CTNNA1: variants seen among roughly 807,000 people sequenced by gnomAD.
CTNNA1 encodes the protein catenin alpha-1.
A neutral mutation model predicts 98.4 loss-of-function variants in CTNNA1; 37 were observed. That is an observed-to-expected ratio of 0.38 (90% confidence interval 0.29 to 0.49). The LOEUF (loss-of-function observed/expected upper bound fraction) is 0.49. Among genes scored for constraint, CTNNA1 ranks in the 20% least tolerant of loss-of-function variants. The probability of loss-of-function intolerance (pLI) is 0.95; values close to 1 mark genes in which losing one functional copy is unlikely to be tolerated. For synonymous variants in CTNNA1, 404 were observed against 413.2 expected, an observed-to-expected ratio of 0.98 and a Z score of 0.27; for missense variants, 761 against 1,147.2, an observed-to-expected ratio of 0.66 and a Z score of 4.86.
intron 3 of CTNNA1, among the ~76,000 whole-genome samples, chr5:138,793,865 A>G (rs1756637093): frequency 6.6e-6 from 1 of 152,166 alleles, no homozygotes; most frequent in South Asian, 2.1e-4. Context: ...CTGTCTGTCA[A>G]CTGGAAAAAG....
chr5:138,887,380 C>T, intron 8 of CTNNA1, 110 bp from the exon 9 acceptor site: 1 of 736,702 alleles, frequency 1.4e-6, no homozygotes, highest in Non-Finnish European at 2.2e-6. Context: ...GTAAGTGCAG[C>T]AAGTCTACCG....
At chr5:138,754,856 C>T (rs1255558319) in intron 1 of CTNNA1, 13 of 152,254 alleles carry the variant, frequency 8.5e-5, no homozygotes, top group Admixed American at 8.5e-4. Context: ...CTCCTGGGCT[C>T]AAGTGATCCC....
rs182557131 is a variant in CTNNA1 at position 138,904,280 on chromosome 5, C to T, written c.1297-69C>T. On this transcript the variant is annotated intron_variant, in intron 9 of 17. Transcript: ENST00000302763. ...TGTTCCAGAATGGTCAGAGGTAGGG[C>T]CAGGTGTGTGTTTTTTCCTTAGCAG... 3,479 of 1,529,874 alleles carry T rather than the reference C, an allele frequency of 2.3e-3. 6 individuals are homozygous for T. Among genetic ancestry groups the T allele is most frequent in the Non-Finnish European group, 2.7e-3 (3,098 of 1,134,956 alleles). 94.8% of individuals were successfully genotyped at this position (1,529,874 alleles called of 1,614,324 possible). A position where few individuals can be genotyped will look rare whatever the true frequency, so the allele number is the denominator to read the frequency against.
chr5:138,812,242 G>C lies in CTNNA1; in HGVS notation c.528G>C (p.Gln176His). 1 of 1,613,852 alleles carries C rather than the reference G, an allele frequency of 6.2e-7. No individual in the cohort carries two copies. The highest frequency in any genetic ancestry group is 8.5e-7 in the Non-Finnish European group (1 of 1,179,804). Residue 176 changes from glutamine (Q) to histidine (H), a missense_variant, in exon 5 of 18, where the codon CAG (glutamine) becomes CAC (histidine). Gln to His is a conservative substitution (Grantham distance 24). Transcript: ENST00000302763. ...NAGNEQDLGI[Q>H]YKALKPEVDK... is the part of the protein sequence containing the mutation. Reference sequence around the variant, plus strand: ...GCAATGAACAAGACTTAGGAATCCAGTATAAAGCCCTAAAACCTGAAGTGG... The same window carrying C: ...GCAATGAACAAGACTTAGGAATCCACTATAAAGCCCTAAAACCTGAAGTGG...
At chr5:138,867,270 T>G (rs1231020421) in intron 7 of CTNNA1, among the ~76,000 whole-genome samples, 1 of 152,204 alleles carries the variant, frequency 6.6e-6, no homozygotes, top group African/African-American at 2.4e-5. Flanking sequence ...TCTCTTAGTC[T>G]CTCTGATCCC....
At chr5:138,841,138 A>T (rs529337264) in intron 7 of CTNNA1, among the ~76,000 whole-genome samples, 111 of 152,244 alleles carry the variant, frequency 7.3e-4, no homozygotes, top group Admixed American at 1.4e-3. Context: ...CTTAGATGGG[A>T]TTATTTTATT....
At chr5:138,881,684 CTCT>C (rs1752937030) in intron 7 of CTNNA1, among the ~76,000 whole-genome samples, 1 of 152,170 alleles carries the variant, frequency 6.6e-6, no homozygotes, top group Non-Finnish European at 1.5e-5. Context: ...AGCCCCAGTT[CTCT>C]TTTTTATTGT....
At chr5:138,830,809 G>A (rs917798024) in intron 7 of CTNNA1, among the ~76,000 whole-genome samples, 2 of 152,120 alleles carry the variant, frequency 1.3e-5, no homozygotes, top group Non-Finnish European at 2.9e-5. Flanking sequence ...TTCTATAGGG[G>A]GTTTAATGGG....
At chr5:138,923,001 T>TGTTTAA (rs4032101) in intron 11 of CTNNA1, among the ~76,000 whole-genome samples, 48,649 of 151,744 alleles carry the variant, frequency 0.32, 8,095 homozygotes, top group African/African-American at 0.42. Flanking sequence ...TGGGTCACTT[T>TGTTTAA]TGAACGGAAA....
intron 10 of CTNNA1, among the ~76,000 whole-genome samples, chr5:138,910,207 G>C (rs1760246279): frequency 7.0e-6 from 1 of 143,660 alleles, no homozygotes; most frequent in African/African-American, 2.6e-5. Context: ...CTTAAAATTG[G>C]AAAGTGTTTC....
At chr5:138,835,243 C>G (rs1355048670) in intron 7 of CTNNA1, among the ~76,000 whole-genome samples, 2 of 152,170 alleles carry the variant, frequency 1.3e-5, no homozygotes, top group African/African-American at 4.8e-5. Flanking sequence ...GATGGCTTAG[C>G]TTGGGCTCAG....
intron 10 of CTNNA1, among the ~76,000 whole-genome samples, chr5:138,911,347 C>T (rs1035148162): frequency 2.0e-5 from 3 of 152,118 alleles, no homozygotes; most frequent in Non-Finnish European, 4.4e-5. Context: ...TGTCAATTTC[C>T]TAATTCCCTA....
intron 10 of CTNNA1, among the ~76,000 whole-genome samples, chr5:138,908,649 A>C (rs1392641066): frequency 6.6e-6 from 1 of 152,110 alleles, no homozygotes; most frequent in African/African-American, 2.4e-5. Context: ...TGGGCGACAG[A>C]GTATGACCCC....
chr5:138,877,727 G>A (rs1432255520), intron 7 of CTNNA1, among the ~76,000 whole-genome samples: 1 of 152,154 alleles, frequency 6.6e-6, no homozygotes, highest in Non-Finnish European at 1.5e-5. Flanking sequence ...GATTACAGGC[G>A]TGAGCCACCG....
intron 3 of CTNNA1, among the ~76,000 whole-genome samples, chr5:138,799,896 GTGTGTA>G (rs1554081159): frequency 6.6e-6 from 1 of 150,544 alleles, no homozygotes; most frequent in African/African-American, 2.5e-5. Context: ...ATGTATGTGT[GTGTGTA>G]TGTGTGTATT....
At chr5:138,924,171 A>C (rs1046989383) in intron 11 of CTNNA1, among the ~76,000 whole-genome samples, 1 of 152,246 alleles carries the variant, frequency 6.6e-6, no homozygotes, top group African/African-American at 2.4e-5. Context: ...AGCTAGAGGA[A>C]GATAAGTTAT....
chr5:138,776,052 T>TTA (rs1754112598), intron 1 of CTNNA1, among the ~76,000 whole-genome samples: 2 of 146,082 alleles, frequency 1.4e-5, no homozygotes, highest in African/African-American at 5.0e-5. Context: ...TTTTTTTTTT[T>TTA]TTTTTTTTTT....
At chr5:138,837,310 TA>T (rs988133820) in intron 7 of CTNNA1, among the ~76,000 whole-genome samples, 3 of 152,214 alleles carry the variant, frequency 2.0e-5, no homozygotes, top group Admixed American at 6.5e-5. Context: ...TCATGTGGTC[TA>T]GGGGTTGACA....
At chr5:138,827,373 C>G (rs1184300979) in intron 6 of CTNNA1, 142 bp from the exon 7 acceptor site, 1 of 907,654 alleles carries the variant, frequency 1.1e-6, no homozygotes, top group Non-Finnish European at 1.7e-6. Flanking sequence ...GGGACAGCCC[C>G]TTACCTGCTA....
Sources: allele counts gnomAD v4.1 joint callset (sites outside exome capture counted in the v4.1 genomes callset), GRCh38; gene constraint gnomAD v4.1.1; transcripts MANE v1.5; gene names NCBI Gene and HGNC (gene_info 2026-07-23, HGNC 2026-07-21).